Variants in PNPT1 observed in about 807,000 individuals in gnomAD.
The protein encoded by PNPT1 is polyribonucleotide nucleotidyltransferase 1, mitochondrial.
Under a neutral mutation model 119.5 loss-of-function variants are expected in PNPT1, and 53 were observed. That is an observed-to-expected ratio of 0.44 (90% confidence interval 0.36 to 0.56). The LOEUF is 0.56. Ranked by LOEUF, PNPT1 falls within the 20% of genes least tolerant of loss-of-function variation. The probability of loss-of-function intolerance (pLI) is 0.00; values close to 1 mark genes in which losing one functional copy is unlikely to be tolerated. For missense variants in PNPT1, 948 were observed against 938.5 expected, an observed-to-expected ratio of 1.01 and a Z score of -0.13; for synonymous variants, 357 against 322.1, an observed-to-expected ratio of 1.11 and a Z score of -1.16.
intron 13 of PNPT1, among the ~76,000 whole-genome samples, chr2:55,664,199 G>C (rs757276898): frequency 6.6e-6 from 1 of 152,198 alleles, no homozygotes; most frequent in Non-Finnish European, 1.5e-5. Flanking sequence ...GGGGGTTTAT[G>C]ACACATGTAG....
intron 17 of PNPT1, among the ~76,000 whole-genome samples, chr2:55,655,284 C>A (rs1385285569): frequency 1.3e-5 from 2 of 152,142 alleles, no homozygotes; most frequent in Admixed American, 1.3e-4. Context: ...TCTCAGCCTG[C>A]CACCACGCCC....
chr2:55,640,926 C>T, intron 25 of PNPT1, among the ~76,000 whole-genome samples: 1 of 151,948 alleles, frequency 6.6e-6, no homozygotes, highest in East Asian at 1.9e-4. Flanking sequence ...AAAAAACATG[C>T]AATAGAAAAG....
chr2:55,689,109 A>T (rs948579509), intron 1 of PNPT1, among the ~76,000 whole-genome samples: 2 of 152,258 alleles, frequency 1.3e-5, no homozygotes. Context: ...AGCTGATTTC[A>T]TCAAAATTTA....
At position 55,646,412 on chromosome 2, in the gene PNPT1, T is replaced by C; in HGVS notation, c.1674+3A>G. ...AATGAAACAAAATGGGTTTTAAAAA[T>C]ACCTGTAATGCAGTTATTCCTTTAT... On this transcript the variant is annotated splice_donor_region_variant and intron_variant, in intron 20 of 27. Coordinates refer to ENST00000447944, the MANE Select transcript of PNPT1 (RefSeq NM_033109.5). 1 of 1,611,964 alleles carries C rather than the reference T, an allele frequency of 6.2e-7. No homozygotes were observed. The highest frequency in any genetic ancestry group is 8.5e-7 in the Non-Finnish European group (1 of 1,178,956).
At chr2:55,654,984 A>C (rs1696339856) in intron 17 of PNPT1, 31 bp from the exon 18 acceptor site, 1 of 1,577,074 alleles carries the variant, frequency 6.3e-7, no homozygotes, top group Non-Finnish European at 8.7e-7. Flanking sequence ...GCTTTATATT[A>C]AACTGATTTT....
At chr2:55,670,756 CA>C (rs1476195495) in intron 11 of PNPT1, among the ~76,000 whole-genome samples, 1 of 152,124 alleles carries the variant, frequency 6.6e-6, no homozygotes. Context: ...TACCAGGTTA[CA>C]TTTCTTGTAT....
chr2:55,645,257 C>T, intron 22 of PNPT1, 92 bp downstream of exon 22: 1 of 780,586 alleles, frequency 1.3e-6, no homozygotes, highest in Non-Finnish European at 2.1e-6. Context: ...ATCTCCTGAC[C>T]TTGTGATCCG....
At position 55,673,710 on chromosome 2, in the gene PNPT1, A is replaced by C. The variant is rs2104130497; in HGVS notation, c.680-631T>G. On this transcript the variant is annotated intron_variant, in intron 8 of 27. Transcript: ENST00000447944. ...TGATCTGCCTGCCTCAGCCTCCCAA[A>C]GTGCTGGGATTAGACGTGAGCCACT... Among the ~76,000 whole-genome samples, 2 of 152,296 alleles carry C rather than the reference A, an allele frequency of 1.3e-5. 1 individual carries two copies.
chr2:55,635,613 C>T lies in PNPT1; in HGVS notation c.*624G>A, dbSNP rs1263851416. The T allele has an allele frequency of 6.6e-6, 1 of 152,216 alleles. No individual in the cohort carries two copies. The highest frequency in any genetic ancestry group is 1.9e-4 in the East Asian group (1 of 5,204). 9.4% of individuals were successfully genotyped at this position (152,216 alleles called of 1,614,324 possible). The stretch of plus-strand genomic sequence containing the variant: ...TAAATTTGAAAAATATACATCATTA[C>T]TACCACATTCATCCTAGTTAGAATC... On this transcript the variant is annotated 3_prime_UTR_variant, in exon 28 of 28. Coordinates refer to ENST00000447944, the MANE Select transcript of PNPT1 (RefSeq NM_033109.5).
chr2:55,673,126 T>C, intron 8 of PNPT1, 47 bp from the exon 9 acceptor site: 2 of 1,411,446 alleles, frequency 1.4e-6, no homozygotes, highest in Non-Finnish European at 1.9e-6. Flanking sequence ...TCGAAGCTCT[T>C]AGTAATATAA....
At position 55,676,652 on chromosome 2, in the gene PNPT1, A is replaced by G. The variant is rs138930815; in HGVS notation, c.679+3030T>C. ...TGAGGCAGGTGGATCACCTGAGGTC[A>G]GGAGTTTGAGACCAGCCTGACAAAC... is the stretch of plus-strand genomic sequence containing the variant. On this transcript the variant is annotated intron_variant, in intron 8 of 27. Transcript: ENST00000447944. 3.2e-3 allele frequency among the ~76,000 whole-genome samples: 480 copies of G among 152,282 alleles called. 1 individual carries two copies. Among genetic ancestry groups the G allele is most frequent in the African/African-American group, 0.011 (453 of 41,564 alleles).
At chr2:55,671,691 G>C (rs1192894233) in intron 10 of PNPT1, among the ~76,000 whole-genome samples, 1 of 152,328 alleles carries the variant, frequency 6.6e-6, no homozygotes, top group Non-Finnish European at 1.5e-5. Flanking sequence ...AAAGATAGCT[G>C]AGTGTGGTGG....
rs1696229741 is a variant in PNPT1 at position 55,652,082 on chromosome 2, AATG to A, written c.1495+2815_1495+2817del. Among the ~76,000 whole-genome samples, 3 of 152,324 alleles carry A rather than the reference AATG, an allele frequency of 2.0e-5. No homozygotes were observed. In the South Asian group the frequency reaches 6.2e-4, roughly 32 times the overall value. Reference sequence around the variant, plus strand: ...TTACTCAGCCTTTAAAATCAGATGAAATGTAGCAGTCTCTCTCAGCCAATTATG... The same window carrying A: ...TTACTCAGCCTTTAAAATCAGATGAATAGCAGTCTCTCTCAGCCAATTATG... On this transcript the variant is annotated intron_variant, in intron 18 of 27. Coordinates refer to ENST00000447944, the MANE Select transcript of PNPT1 (RefSeq NM_033109.5).
At chr2:55,657,810 G>C (rs932995866) in intron 15 of PNPT1, among the ~76,000 whole-genome samples, 8 of 119,378 alleles carry the variant, frequency 6.7e-5, no homozygotes, top group Non-Finnish European at 1.1e-4. Context: ...CCCAGACTGT[G>C]GGAGACTATA....
At chr2:55,683,911 G>A in intron 4 of PNPT1, 77 bp from the exon 5 acceptor site, 2 of 1,365,976 alleles carry the variant, frequency 1.5e-6, no homozygotes, top group Non-Finnish European at 2.1e-6. Context: ...AACTAATATA[G>A]ATAGCCATTC....
intron 8 of PNPT1, among the ~76,000 whole-genome samples, chr2:55,677,708 CA>C (rs1175710558): frequency 1.3e-5 from 2 of 149,214 alleles, no homozygotes; most frequent in African/African-American, 4.9e-5. Context: ...GACCAATTAG[CA>C]GCAGGTTTAC....
chr2:55,647,846 G>A (rs1210624105), intron 18 of PNPT1, among the ~76,000 whole-genome samples: 1 of 152,116 alleles, frequency 6.6e-6, no homozygotes, highest in Non-Finnish European at 1.5e-5. Flanking sequence ...AATGTAAGTG[G>A]ATATTGTTGC....
rs79238381 is a variant in PNPT1, at chr2:55,686,890, G to A, written c.223-446C>T. Reference sequence around the variant, plus strand: ...CACACTTGTAATTGCAGCACTTTGCGGGGGCAAGGCAGGTGGATCACGAGG... The same window carrying A: ...CACACTTGTAATTGCAGCACTTTGCAGGGGCAAGGCAGGTGGATCACGAGG... On this transcript the variant is annotated intron_variant, in intron 2 of 27. Transcript: ENST00000447944. 8.1e-3 allele frequency among the ~76,000 whole-genome samples: 1,231 copies of A among 152,204 alleles called. 10 individuals carry two copies. The highest frequency in any genetic ancestry group is 0.027 in the African/African-American group (1,111 of 41,530).
Position 55,643,339 on chromosome 2 carries a change from T to G in PNPT1, c.1993A>C (p.Thr665Pro). 1.9e-6 allele frequency: 3 copies of G among 1,614,188 alleles called. No individual in the cohort carries two copies. The highest frequency in any genetic ancestry group is 2.5e-6 in the Non-Finnish European group (3 of 1,179,998). The change falls in exon 24 of 28, where the codon ACT becomes CCT. Residue 665 changes from threonine to proline, a missense_variant. Coordinates refer to ENST00000447944, the MANE Select transcript of PNPT1 (RefSeq NM_033109.5). ...SAMHEARDFI[T>P]EICKDDQEQQ... is the part of the protein sequence containing the mutation. ...CTTACATCATCCTTGCAGATTTCAG[T>G]AATGAAGTCTCTTGCCTCATGCATA...
Sources: allele counts gnomAD v4.1 joint callset (sites outside exome capture counted in the v4.1 genomes callset), GRCh38; gene constraint gnomAD v4.1.1; transcripts MANE v1.5; gene names NCBI Gene and HGNC (gene_info 2026-07-23, HGNC 2026-07-21).